H2AZ2: variants seen among roughly 807,000 people sequenced by gnomAD.
H2AZ2 encodes H2A.Z variant histone 2.
In H2AZ2, 5 loss-of-function variants were observed where a neutral mutation model predicts 15.5. That is an observed-to-expected ratio of 0.32 (90% CI 0.17 to 0.68). The LOEUF is 0.68. H2AZ2 is among the 30% of genes least tolerant of loss of function. The probability of loss-of-function intolerance (pLI) is 0.72; values close to 1 mark genes in which losing one functional copy is unlikely to be tolerated. For synonymous variants in H2AZ2, 44 were observed against 57.4 expected, an observed-to-expected ratio of 0.77 and a Z score of 1.05; for missense variants, 42 against 162.5, an observed-to-expected ratio of 0.26 and a Z score of 4.03.
At position 44,833,351 on chromosome 7, in the gene H2AZ2, G is replaced by A. The variant is rs1350382833; in HGVS notation, c.*1150C>T. On this transcript the variant is annotated 3_prime_UTR_variant, in exon 5 of 5. Transcript: ENST00000308153. ...GGGTTCACGTCATTCTCATGCCTCA[G>A]CCTCCTGAGTAGCTGGGACTACAGG... 2.0e-5 allele frequency among the ~76,000 whole-genome samples: 3 copies of A among 152,146 alleles called. No individual in the cohort carries two copies. Among genetic ancestry groups the A allele is most frequent in the Non-Finnish European group, 4.4e-5 (3 of 68,024 alleles).
downstream of H2AZ2, chr7:44,830,206 G>T (rs1035388296): frequency 6.3e-7 from 1 of 1,598,628 alleles, no homozygotes; most frequent in Non-Finnish European, 8.6e-7. Flanking sequence ...AAAACAGCAG[G>T]CAAATAAATA....
chr7:44,834,059 C>G lies in H2AZ2; in HGVS notation c.*442G>C, dbSNP rs941860379. On this transcript the variant is annotated 3_prime_UTR_variant, in exon 5 of 5. Transcript: ENST00000308153. ...TAGTCGTTTGTAAAAAATGGTGCTA[C>G]AGATCAATAGCATCTAAGAGTCAAT... 4.8e-5 allele frequency: 31 copies of G among 652,396 alleles called. No individual in the cohort carries two copies. In the African/African-American group the frequency reaches 6.1e-4, roughly 13 times the overall value. 40.4% of individuals were successfully genotyped at this position (652,396 alleles called of 1,614,324 possible).
chr7:44,844,491 G>C (rs763623874), intron 1 of H2AZ2, among the ~76,000 whole-genome samples: 11 of 152,154 alleles, frequency 7.2e-5, no homozygotes, highest in Non-Finnish European at 1.2e-4. Flanking sequence ...GTAGCTGGTA[G>C]TATAGGTGCG....
chr7:44,834,784 CTTTTTT>C (rs35455193), intron 4 of H2AZ2: 14 of 159,344 alleles, frequency 8.8e-5, no homozygotes, highest in East Asian at 2.4e-4. Flanking sequence ...GTAACCATAG[CTTTTTT>C]TTTTTTTTTT....
chr7:44,828,753 G>A (rs1397370831), downstream of H2AZ2: 1 of 152,282 alleles, frequency 6.6e-6, no homozygotes, highest in African/African-American at 2.4e-5. Context: ...TGAGAAGTGT[G>A]GCATAGCACA....
At chr7:44,846,054 C>CAGAGAG (rs1562790058) in intron 1 of H2AZ2, among the ~76,000 whole-genome samples, 2 of 95,958 alleles carry the variant, frequency 2.1e-5, no homozygotes, top group Non-Finnish European at 5.1e-5. Flanking sequence ...CACACACACA[C>CAGAGAG]ACACACACAG....
At chr7:44,843,821 G>A (rs1454579319) in intron 1 of H2AZ2, among the ~76,000 whole-genome samples, 3 of 152,138 alleles carry the variant, frequency 2.0e-5, no homozygotes, top group Non-Finnish European at 4.4e-5. Flanking sequence ...GCCTCCCAAA[G>A]TGCTGGGATT....
rs183894404 is a variant in H2AZ2 at position 44,843,595 on chromosome 7, G to A, written c.4-241C>T. Among the ~76,000 whole-genome samples, 328 of 152,166 alleles carry A rather than the reference G, an allele frequency of 2.2e-3. 3 individuals carry two copies. The highest frequency in any genetic ancestry group is 7.7e-3 in the African/African-American group (319 of 41,502). ...TTTTCTTGAGATGGAGTCTAGCTCT[G>A]TTGCCCAGGCTGGAGTGCAGTGGTG... On this transcript the variant is annotated intron_variant, in intron 1 of 4. Transcript: ENST00000308153.
At chr7:44,840,485 A>G (rs1011022420) in intron 3 of H2AZ2, among the ~76,000 whole-genome samples, 8 of 152,166 alleles carry the variant, frequency 5.3e-5, no homozygotes, top group South Asian at 2.1e-4. Context: ...AAAGAAACCA[A>G]TGAGGCCGGA....
chr7:44,835,759 A>G lies in H2AZ2; in HGVS notation c.196-101T>C, dbSNP rs1365766558. 3.1e-6 allele frequency: 3 copies of G among 977,358 alleles called. No individual in the cohort carries two copies. The African/African-American group carries it at 4.9e-5, about 16-fold the overall frequency. 60.5% of individuals were successfully genotyped at this position (977,358 alleles called of 1,614,324 possible). On this transcript the variant is annotated intron_variant, in intron 3 of 4. Coordinates refer to ENST00000308153, the MANE Select transcript of H2AZ2 (RefSeq NM_012412.5). Reference sequence around the variant, plus strand: ...ATACAAAATGCACACACAATACATAAACTGATAATATATTTTTCTTTCTTG... The same window carrying G: ...ATACAAAATGCACACACAATACATAGACTGATAATATATTTTTCTTTCTTG...
chr7:44,846,646 A>T (rs1244165500), intron 1 of H2AZ2, among the ~76,000 whole-genome samples: 2 of 93,198 alleles, frequency 2.1e-5, no homozygotes. Flanking sequence ...AAAACAAACA[A>T]CAAAAAACCA....
At position 44,833,588 on chromosome 7, in the gene H2AZ2, T is replaced by G. The variant is rs1468216761; in HGVS notation, c.*913A>C. The G allele has an allele frequency of 1.5e-6, 1 of 652,068 alleles. No homozygotes were observed. The highest frequency in any genetic ancestry group is 1.9e-6 in the Non-Finnish European group (1 of 525,538). 40.4% of individuals were successfully genotyped at this position (652,068 alleles called of 1,614,324 possible). A position where few individuals can be genotyped will look rare whatever the true frequency, so the allele number is the denominator to read the frequency against. The stretch of plus-strand genomic sequence containing the variant: ...CTGGTCTCAAACTCCTGACCTCAAG[T>G]GTTCCACCAGCCTCGGTCTCCCGAA... On this transcript the variant is annotated 3_prime_UTR_variant, in exon 5 of 5. Transcript: ENST00000308153.
intron 1 of H2AZ2, among the ~76,000 whole-genome samples, chr7:44,846,088 G>GGAAGT (rs1793399433): frequency 6.7e-6 from 1 of 150,070 alleles, no homozygotes; most frequent in Non-Finnish European, 1.5e-5. Context: ...GAGAGAGAGA[G>GGAAGT]GAGGAAGTAG....
At position 44,848,079 on chromosome 7, in the gene H2AZ2, A is replaced by C. The variant is rs771822452; in HGVS notation, c.-108T>G. ...CGACCGCCGCCGCCGGAGCCGGACA[A>C]TACCCCGTGCCCGCCTCGCGCTGCT... On this transcript the variant is annotated 5_prime_UTR_variant, in exon 1 of 5. Transcript: ENST00000308153. 3.3e-5 allele frequency: 20 copies of C among 601,444 alleles called. No individual in the cohort carries two copies. Among genetic ancestry groups the C allele is most frequent in the Non-Finnish European group, 4.8e-5 (20 of 419,444 alleles). The allele number at this position is 601,444 out of a possible 1,614,324, so 37.3% of individuals were successfully genotyped here.
At chr7:44,843,483 T>C in intron 1 of H2AZ2, 129 bp from the exon 2 acceptor site, 1 of 612,560 alleles carries the variant, frequency 1.6e-6, no homozygotes, top group Non-Finnish European at 2.9e-6. Context: ...CCCTTCCTCA[T>C]TTGTAAATAT....
At chr7:44,840,002 A>AAAATAAATAAATAAATAAAT (rs149563809) in intron 3 of H2AZ2, among the ~76,000 whole-genome samples, 5 of 142,042 alleles carry the variant, frequency 3.5e-5, no homozygotes, top group Admixed American at 7.1e-5. Flanking sequence ...ACCCTGTCTC[A>AAAATAAATAAATAAATAAAT]AAATAAATAA....
chr7:44,836,685 G>A (rs1793131104), intron 3 of H2AZ2, among the ~76,000 whole-genome samples: 1 of 151,766 alleles, frequency 6.6e-6, no homozygotes, highest in Non-Finnish European at 1.5e-5. Context: ...GCCTGAGTAA[G>A]TTTTGTATTT....
At chr7:44,846,295 C>T (rs1045930146) in intron 1 of H2AZ2, among the ~76,000 whole-genome samples, 5 of 152,066 alleles carry the variant, frequency 3.3e-5, no homozygotes, top group Admixed American at 2.6e-4. Flanking sequence ...AAACATATAG[C>T]GTATCACTAG....
downstream of H2AZ2, chr7:44,827,306 G>C (rs1369718435): frequency 1.3e-5 from 2 of 152,230 alleles, no homozygotes; most frequent in Admixed American, 6.5e-5. Flanking sequence ...ACTTCAACAT[G>C]TTACATGGTA....
Sources: gnomAD v4.1 joint callset for allele counts (sites outside exome capture counted in the v4.1 genomes callset) on GRCh38, gnomAD v4.1.1 for gene constraint, MANE v1.5 for transcripts, NCBI Gene and HGNC (gene_info 2026-07-23, HGNC 2026-07-21) for gene names.